Variants in ALLC observed in about 807,000 individuals in gnomAD.
The protein encoded by ALLC is probable inactive allantoicase.
ALLC carries 40 observed loss-of-function variants against 45.0 expected under a neutral mutation model. The ratio of observed to expected loss-of-function variants is 0.89; its 90% CI spans 0.69 to 1.16. The LOEUF is 1.16. Ranked by LOEUF, ALLC falls within the 50% of genes most tolerant of loss-of-function variation. The pLI, the probability that ALLC is intolerant of heterozygous loss-of-function variation, is 0.00. For missense variants in ALLC, 488 were observed against 493.1 expected (o/e 0.99, Z 0.10); for synonymous variants, 176 against 178.1 (o/e 0.99, Z 0.09).
chr2:3,673,985 CT>C, intron 2 of ALLC, 89 bp from the exon 3 acceptor site: 1 of 1,007,432 alleles, frequency 9.9e-7, no homozygotes, highest in South Asian at 1.5e-5. Flanking sequence ...TTTCTTTTTA[CT>C]TCATCTCATA....
intron 3 of ALLC, among the ~76,000 whole-genome samples, chr2:3,676,326 A>G (rs1034307469): frequency 6.6e-6 from 1 of 152,234 alleles, no homozygotes; most frequent in Non-Finnish European, 1.5e-5. Flanking sequence ...TCAGGCTGTC[A>G]GGCTGGGGTG....
chr2:3,702,616 C>A lies in ALLC; in HGVS notation c.*53C>A. 1 of 1,471,630 alleles carries A rather than the reference C, an allele frequency of 6.8e-7. No individual in the cohort carries two copies. The highest frequency in any genetic ancestry group is 9.0e-7 in the Non-Finnish European group (1 of 1,107,062). The allele number at this position is 1,471,630 out of a possible 1,614,324, so 91.2% of individuals were successfully genotyped here. Reference sequence around the variant, plus strand: ...ACAGCAGTAATTTCCCAGTCATAGTCTTCTTTTCAAATGTTTTGAACACCT... The same window carrying A: ...ACAGCAGTAATTTCCCAGTCATAGTATTCTTTTCAAATGTTTTGAACACCT... On this transcript the variant is annotated 3_prime_UTR_variant, in exon 12 of 12. Coordinates refer to ENST00000252505, the MANE Select transcript of ALLC (RefSeq NM_018436.4).
chr2:3,660,013 G>A (rs1325077578), intron 1 of ALLC, among the ~76,000 whole-genome samples: 1 of 152,208 alleles, frequency 6.6e-6, no homozygotes, highest in African/African-American at 2.4e-5. Flanking sequence ...TGAGGTTGTG[G>A]GGTGCTATGG....
chr2:3,665,852 T>C lies in ALLC; in HGVS notation c.-62-5244T>C, dbSNP rs150681738. Among the ~76,000 whole-genome samples, 600 of 152,320 alleles carry C rather than the reference T, an allele frequency of 3.9e-3. 8 individuals carry two copies. The highest frequency in any genetic ancestry group is 0.014 in the African/African-American group (569 of 41,566). On this transcript the variant is annotated intron_variant, in intron 1 of 11. Transcript: ENST00000252505. Reference sequence around the variant, plus strand: ...CCAGTAATGGGATTGCTGGGTCAAATTGAAGTGTTTTACTAAGTTGAATGT... The same window carrying C: ...CCAGTAATGGGATTGCTGGGTCAAACTGAAGTGTTTTACTAAGTTGAATGT...
the ALLC span, among the ~76,000 whole-genome samples, chr2:3,648,084 A>G: frequency 6.6e-6 from 1 of 152,082 alleles, no homozygotes; most frequent in Non-Finnish European, 1.5e-5. Flanking sequence ...AGCGCCAGGG[A>G]GCCCGGCAGC....
chr2:3,687,568 G>A (rs1036363102), intron 7 of ALLC, among the ~76,000 whole-genome samples: 9 of 150,790 alleles, frequency 6.0e-5, no homozygotes, highest in Non-Finnish European at 1.3e-4. Context: ...TTAGGTCCTG[G>A]AATTTTCTTT....
the ALLC span, among the ~76,000 whole-genome samples, chr2:3,645,946 C>T: frequency 6.6e-6 from 1 of 152,118 alleles, no homozygotes; most frequent in Non-Finnish European, 1.5e-5. The surrounding 1 kb of genome is among the most constrained non-coding windows in gnomAD (Gnocchi z 4.3). Flanking sequence ...CCCCGACGGC[C>T]CTTTGTTCTA....
At chr2:3,655,648 T>C (rs889538663), upstream of ALLC, among the ~76,000 whole-genome samples, 3 of 152,144 alleles carry the variant, frequency 2.0e-5, no homozygotes, top group Non-Finnish European at 4.4e-5. Context: ...TTTTCAGAGA[T>C]GGGGTCTCAC....
At chr2:3,649,622 T>C in the ALLC span, among the ~76,000 whole-genome samples, 2 of 152,266 alleles carry the variant, frequency 1.3e-5, no homozygotes, top group Non-Finnish European at 2.9e-5. Flanking sequence ...ATAAGATCCA[T>C]GTTACCCAGT....
intron 7 of ALLC, among the ~76,000 whole-genome samples, chr2:3,693,332 A>T (rs1250128669): frequency 6.6e-6 from 1 of 152,200 alleles, no homozygotes; most frequent in African/African-American, 2.4e-5. Context: ...GATGCTTTAA[A>T]GTGAGACATG....
intron 1 of ALLC, among the ~76,000 whole-genome samples, chr2:3,668,646 G>A (rs2147996028): frequency 1.5e-5 from 2 of 137,342 alleles, no homozygotes; most frequent in South Asian, 4.6e-4. Context: ...TGCAATCTCG[G>A]CTCACCGCAA....
intron 1 of ALLC, among the ~76,000 whole-genome samples, chr2:3,665,590 T>G (rs12711956): frequency 0.19 from 28,995 of 152,180 alleles, 2,981 homozygotes; most frequent in African/African-American, 0.24. Context: ...TGCGTTAGTT[T>G]GCTGAGGATA....
intron 4 of ALLC, 42 bp from the exon 5 acceptor site, chr2:3,679,827 G>C: frequency 6.2e-7 from 1 of 1,610,344 alleles, no homozygotes; most frequent in Non-Finnish European, 8.5e-7. Flanking sequence ...CATCTGCTGT[G>C]TTGGCCCTAA....
At chr2:3,656,304 G>A (rs1321670568), upstream of ALLC, among the ~76,000 whole-genome samples, 2 of 152,194 alleles carry the variant, frequency 1.3e-5, no homozygotes, top group Non-Finnish European at 1.5e-5. Flanking sequence ...ACGGAGCTCC[G>A]AGAACAGCCT....
Position 3,683,006 on chromosome 2 carries a change from C to G in ALLC, c.443C>G (p.Ser148Cys). 6.2e-7 allele frequency: 1 copy of G among 1,613,996 alleles called. No individual in the cohort carries two copies. Among genetic ancestry groups the G allele is most frequent in the African/African-American group, 1.3e-5 (1 of 75,052 alleles). ...MTELKPGNPA[S>C]GHNYFLVNSQ... ...GAGCTTAAGCCAGGAAACCCTGCTT[C>G]CGGCCACAACTATTTTCTTGTCAAT... Residue 148 changes from serine to cysteine, a missense_variant, in exon 7 of 12, where the codon TCC becomes TGC. Physicochemically the swap from Ser to Cys is moderately radical, Grantham distance 112. Coordinates refer to ENST00000252505, the MANE Select transcript of ALLC (RefSeq NM_018436.4).
intron 1 of ALLC, among the ~76,000 whole-genome samples, chr2:3,670,817 G>T (rs1156874232): frequency 6.9e-6 from 1 of 145,058 alleles, no homozygotes. Context: ...TTTGCATTTT[G>T]TGGCGATAGG....
chr2:3,656,317 C>T (rs17017844), upstream of ALLC, among the ~76,000 whole-genome samples: 5,852 of 152,332 alleles, frequency 0.038, 307 homozygotes, highest in African/African-American at 0.11. Flanking sequence ...AACAGCCTCA[C>T]GTCTGGCTCA....
intron 7 of ALLC, among the ~76,000 whole-genome samples, chr2:3,692,408 G>A (rs896261680): frequency 3.9e-5 from 6 of 152,174 alleles, no homozygotes; most frequent in Non-Finnish European, 7.4e-5. Context: ...TTTTAAGAAA[G>A]TTTATGGATT....
At chr2:3,671,031 C>G in intron 1 of ALLC, 65 bp from the exon 2 acceptor site, 2 of 903,850 alleles carry the variant, frequency 2.2e-6, no homozygotes, top group Non-Finnish European at 3.5e-6. Context: ...GCGTCAGGAG[C>G]CTAGACGGGG....
Sources: gnomAD v4.1 joint callset for allele counts (sites outside exome capture counted in the v4.1 genomes callset) on GRCh38, gnomAD v4.1.1 for gene constraint, Gnocchi (gnomAD v3.1) non-coding constraint, MANE v1.5 for transcripts, NCBI Gene and HGNC (gene_info 2026-07-23, HGNC 2026-07-21) for gene names.